NME7: variants seen among roughly 807,000 people sequenced by gnomAD.
The protein encoded by NME7 is NME/NM23 family member 7, also known as nucleoside diphosphate kinase 7.
Under a neutral mutation model 49.1 loss-of-function variants are expected in NME7, and 41 were observed. The ratio of observed to expected loss-of-function variants is 0.83; its 90% CI spans 0.65 to 1.08. The LOEUF is 1.08. NME7 is among the 50% of genes least tolerant of loss of function. The pLI, the probability that NME7 is intolerant of heterozygous loss-of-function variation, is 0.00. For missense variants in NME7, 423 were observed against 463.4 expected (o/e 0.91, Z 0.80); for synonymous variants, 139 against 150.6 (o/e 0.92, Z 0.56).
At chr1:169,135,430 A>C (rs1658401261) in intron 11 of NME7, among the ~76,000 whole-genome samples, 1 of 152,222 alleles carries the variant, frequency 6.6e-6, no homozygotes, top group Non-Finnish European at 1.5e-5. Context: ...TGGCTCACAG[A>C]GGAGAACCAA....
chr1:169,221,895 CTGT>C (rs968732455), intron 10 of NME7, among the ~76,000 whole-genome samples: 4 of 151,788 alleles, frequency 2.6e-5, no homozygotes, highest in South Asian at 2.1e-4. Context: ...CCAGTCTGGT[CTGT>C]TGTTGTTGTT....
chr1:169,298,794 C>A (rs1216254108), intron 5 of NME7, 31 bp from the exon 6 acceptor site: 2 of 1,572,230 alleles, frequency 1.3e-6, no homozygotes, highest in African/African-American at 1.4e-5. Flanking sequence ...TAGTTTGCTT[C>A]TTTTTTCTGT....
At chr1:169,274,510 C>T (rs1378733323) in intron 7 of NME7, among the ~76,000 whole-genome samples, 2 of 133,866 alleles carry the variant, frequency 1.5e-5, no homozygotes, top group African/African-American at 2.5e-5. Flanking sequence ...GTTGCCATTG[C>T]TTTTGGTGTT....
intron 10 of NME7, among the ~76,000 whole-genome samples, chr1:169,188,333 C>G (rs1031520833): frequency 6.6e-6 from 1 of 152,144 alleles, no homozygotes; most frequent in Non-Finnish European, 1.5e-5. Context: ...ACTGATCACA[C>G]CTGCTTATTT....
Position 169,132,580 on chromosome 1 carries a change from A to AC in NME7, c.*204dup. ...TGAACTTTATAAAAAGCAATGCAGT[A>AC]CCCCATAGACTGGTGTTAAATGTTG... On this transcript the variant is annotated 3_prime_UTR_variant, in exon 12 of 12. Coordinates refer to ENST00000367811, the MANE Select transcript of NME7 (RefSeq NM_013330.5). 2.1e-6 allele frequency: 1 copy of AC among 469,602 alleles called. No homozygotes were observed. Among genetic ancestry groups the AC allele is most frequent in the East Asian group, 3.4e-5 (1 of 29,622 alleles). The allele number at this position is 469,602 out of a possible 1,614,324, so 29.1% of individuals were successfully genotyped here.
At chr1:169,266,748 C>A (rs1329115474) in intron 7 of NME7, among the ~76,000 whole-genome samples, 1 of 133,124 alleles carries the variant, frequency 7.5e-6, no homozygotes, top group African/African-American at 2.5e-5. Context: ...GCAACTTCAG[C>A]GAAGTTTCAG....
chr1:169,265,961 A>C (rs1330991844), intron 7 of NME7, among the ~76,000 whole-genome samples: 1 of 132,604 alleles, frequency 7.5e-6, no homozygotes, highest in African/African-American at 2.5e-5. Flanking sequence ...TCTGAAACTG[A>C]ATCAGTAAAA....
chr1:169,182,474 C>T (rs1017325806), intron 10 of NME7, among the ~76,000 whole-genome samples: 9 of 152,194 alleles, frequency 5.9e-5, no homozygotes, highest in Non-Finnish European at 1.0e-4. Flanking sequence ...ACTCCTCTCT[C>T]TCCCTTTTGG....
intron 7 of NME7, among the ~76,000 whole-genome samples, chr1:169,257,166 G>A (rs60855685): frequency 0.019 from 2,489 of 134,414 alleles, 341 homozygotes; most frequent in African/African-American, 0.06. Context: ...CCCCAGCCTC[G>A]CTGCCACCTT....
At chr1:169,362,180 C>A (rs1397426375) in intron 1 of NME7, among the ~76,000 whole-genome samples, 4 of 152,150 alleles carry the variant, frequency 2.6e-5, no homozygotes, top group African/African-American at 9.7e-5. Flanking sequence ...TGCACTCCAG[C>A]CAGGGTGATA....
Position 169,323,108 on chromosome 1 carries a change from T to A in NME7, c.278+9A>T, listed in dbSNP as rs369949741. The A allele has an allele frequency of 1.1e-4, 173 of 1,537,346 alleles. 1 individual carries two copies. The African/African-American group carries it at 2.1e-3, about 19-fold the overall frequency. On this transcript the variant is annotated intron_variant, in intron 3 of 11. Coordinates refer to ENST00000367811, the MANE Select transcript of NME7 (RefSeq NM_013330.5). ...AGCATGTAAAAAGATTATATAATTG[T>A]TTTCTTACTTTTCTTTCCTACTGCC...
At chr1:169,138,688 C>A (rs905831857) in intron 11 of NME7, among the ~76,000 whole-genome samples, 1 of 152,126 alleles carries the variant, frequency 6.6e-6, no homozygotes, top group Non-Finnish European at 1.5e-5. Context: ...CAGTGCACTC[C>A]AGCCTGGGTG....
At chr1:169,135,407 A>G (rs1175236484) in intron 11 of NME7, among the ~76,000 whole-genome samples, 1 of 152,208 alleles carries the variant, frequency 6.6e-6, no homozygotes, top group Non-Finnish European at 1.5e-5. Context: ...ACACTTTGAT[A>G]TCTGTGTATA....
At chr1:169,302,241 A>C (rs1406460256) in intron 5 of NME7, 1 of 152,126 alleles carries the variant, frequency 6.6e-6, no homozygotes, top group Non-Finnish European at 1.5e-5. Context: ...TTGAACCTTA[A>C]ATCCCATTAC....
intron 11 of NME7, among the ~76,000 whole-genome samples, chr1:169,145,735 T>C (rs1486809767): frequency 6.6e-6 from 1 of 152,156 alleles, no homozygotes; most frequent in African/African-American, 2.4e-5. Flanking sequence ...GAATTCACAA[T>C]GTATGTTGAC....
chr1:169,230,611 A>T (rs1647570248), intron 10 of NME7, 107 bp downstream of exon 10: 1 of 506,798 alleles, frequency 2.0e-6, no homozygotes, highest in South Asian at 5.8e-5. Context: ...TGTATATTAT[A>T]TTCATTTTTA....
At chr1:169,313,380 C>T (rs544497328) in intron 3 of NME7, among the ~76,000 whole-genome samples, 3 of 152,128 alleles carry the variant, frequency 2.0e-5, no homozygotes, top group Admixed American at 2.0e-4. Flanking sequence ...AAAGGCTATA[C>T]CACCCCCGCT....
intron 1 of NME7, among the ~76,000 whole-genome samples, chr1:169,365,005 T>C (rs1653799273): frequency 6.6e-6 from 1 of 152,164 alleles, no homozygotes; most frequent in South Asian, 2.1e-4. Context: ...TTAGATAACA[T>C]CACTATTGTA....
chr1:169,230,045 T>A (rs1316131748), intron 10 of NME7, among the ~76,000 whole-genome samples: 4 of 152,112 alleles, frequency 2.6e-5, no homozygotes, highest in Admixed American at 2.6e-4. Context: ...AAACTACTTA[T>A]AAATAATAGT....
Sources: allele counts gnomAD v4.1 joint callset (sites outside exome capture counted in the v4.1 genomes callset), GRCh38; gene constraint gnomAD v4.1.1; transcripts MANE v1.5; gene names NCBI Gene and HGNC (gene_info 2026-07-23, HGNC 2026-07-21).